COL26A1: variants seen among roughly 807,000 people sequenced by gnomAD.
The protein encoded by COL26A1 is collagen alpha-1(XXVI) chain.
A neutral mutation model predicts 59.3 loss-of-function variants in COL26A1; 41 were observed. The ratio of observed to expected loss-of-function variants is 0.69; its 90% CI spans 0.54 to 0.90. The LOEUF (loss-of-function observed/expected upper bound fraction) is 0.90. COL26A1 is among the 40% of genes least tolerant of loss of function. COL26A1 has a pLI of 0.00. For synonymous variants in COL26A1, 266 were observed against 256.0 expected (o/e 1.04, Z -0.37); for missense variants, 612 against 602.3 (o/e 1.02, Z -0.17).
At chr7:101,426,435 C>T (rs914436303) in intron 2 of COL26A1, among the ~76,000 whole-genome samples, 4 of 152,146 alleles carry the variant, frequency 2.6e-5, no homozygotes, top group African/African-American at 9.7e-5. Context: ...GAACTCTCCA[C>T]CCACACCTGT....
At chr7:101,363,681 C>T (rs1010569683) in intron 1 of COL26A1, among the ~76,000 whole-genome samples, 1 of 151,854 alleles carries the variant, frequency 6.6e-6, no homozygotes, top group East Asian at 1.9e-4. Flanking sequence ...TGGTCTCTGG[C>T]CGCGCCCACC....
chr7:101,469,211 GTC>G (rs1793836033), intron 3 of COL26A1, among the ~76,000 whole-genome samples: 1 of 152,118 alleles, frequency 6.6e-6, no homozygotes, highest in African/African-American at 2.4e-5. Flanking sequence ...AATTCTGGGG[GTC>G]TCTCTCTGAA....
chr7:101,408,312 C>T (rs1016388227), intron 1 of COL26A1, among the ~76,000 whole-genome samples: 4 of 152,194 alleles, frequency 2.6e-5, no homozygotes, highest in African/African-American at 7.2e-5. Context: ...CCATGAGGCT[C>T]TGCAGCTGGG....
intron 3 of COL26A1, among the ~76,000 whole-genome samples, chr7:101,501,517 G>A (rs950339208): frequency 7.2e-5 from 11 of 151,886 alleles, no homozygotes; most frequent in Non-Finnish European, 1.5e-4. Context: ...ACCAGACACC[G>A]CCTCCAGGAA....
chr7:101,529,735 G>T (rs1795325643), intron 3 of COL26A1, among the ~76,000 whole-genome samples: 4 of 152,180 alleles, frequency 2.6e-5, no homozygotes, highest in African/African-American at 9.7e-5. Context: ...CTGCGTCCAT[G>T]TTGCTGCAAA....
intron 4 of COL26A1, among the ~76,000 whole-genome samples, chr7:101,534,569 T>C (rs746450966): frequency 7.2e-5 from 11 of 151,880 alleles, no homozygotes; most frequent in Non-Finnish European, 1.5e-4. Flanking sequence ...GACACACATA[T>C]GTAATACCCA....
chr7:101,454,908 A>G (rs920559262), intron 3 of COL26A1, among the ~76,000 whole-genome samples: 4 of 152,224 alleles, frequency 2.6e-5, no homozygotes, highest in African/African-American at 4.8e-5. Flanking sequence ...TATTTCCCGT[A>G]TAAGCAATGG....
At chr7:101,502,357 C>A (rs968857292) in intron 3 of COL26A1, among the ~76,000 whole-genome samples, 9 of 151,142 alleles carry the variant, frequency 6.0e-5, no homozygotes, top group Non-Finnish European at 1.2e-4. Context: ...ACAACAACAA[C>A]AAACAACAAC....
At chr7:101,391,399 G>A (rs966767309) in intron 1 of COL26A1, among the ~76,000 whole-genome samples, 2 of 152,028 alleles carry the variant, frequency 1.3e-5, no homozygotes, top group African/African-American at 4.8e-5. Context: ...TATACTCCTG[G>A]GCCCGTATCC....
intron 3 of COL26A1, among the ~76,000 whole-genome samples, chr7:101,485,149 G>T (rs1794241237): frequency 6.6e-6 from 1 of 152,192 alleles, no homozygotes; most frequent in Non-Finnish European, 1.5e-5. Flanking sequence ...ACCATGCCCG[G>T]CCTCACATCA....
At chr7:101,534,654 TACAC>T (rs3073378) in intron 4 of COL26A1, among the ~76,000 whole-genome samples, 68,552 of 147,520 alleles carry the variant, frequency 0.46, 15,919 homozygotes, top group Middle Eastern at 0.57. Flanking sequence ...CACATACATA[TACAC>T]ACACACACAC....
At chr7:101,420,958 A>C (rs1584392882) in intron 2 of COL26A1, among the ~76,000 whole-genome samples, 6 of 149,162 alleles carry the variant, frequency 4.0e-5, no homozygotes, top group Non-Finnish European at 5.9e-5. Flanking sequence ...TCCCCAAACC[A>C]CTCTCCCCAC....
Position 101,512,378 on chromosome 7 carries a change from G to A in COL26A1, c.386-20704G>A, listed in dbSNP as rs184334783. 1.1e-3 allele frequency among the ~76,000 whole-genome samples: 165 copies of A among 152,256 alleles called. 1 individual carries two copies. The highest frequency in any genetic ancestry group is 6.8e-3 in the Middle Eastern group (2 of 294). Reference sequence around the variant, plus strand: ...TCACGCCTGTAATCCCAGCACTTTGGGAGGCCAAGGTGGGAGGATCACTTG... The same window carrying A: ...TCACGCCTGTAATCCCAGCACTTTGAGAGGCCAAGGTGGGAGGATCACTTG... On this transcript the variant is annotated intron_variant, in intron 3 of 12. Transcript: ENST00000313669.
intron 1 of COL26A1, among the ~76,000 whole-genome samples, chr7:101,410,805 C>G (rs1028890009): frequency 6.6e-6 from 1 of 152,150 alleles, no homozygotes; most frequent in Non-Finnish European, 1.5e-5. Flanking sequence ...TCAAGTGATT[C>G]TTCTACCTCA....
Position 101,489,838 on chromosome 7 carries a change from CTTTCTTTCTTTCTT to C in COL26A1, c.385+42053_385+42066del, listed in dbSNP as rs1794400537. On this transcript the variant is annotated intron_variant, in intron 3 of 12. Coordinates refer to ENST00000313669, the MANE Select transcript of COL26A1 (RefSeq NM_001278563.3). Reference sequence around the variant, plus strand: ...TCTTTCTTTCTTTCTTTCTTTCTTTCTTTCTTTCTTTCTTTCTTTCTTTCTTTCTTTCTTTCTTT... The same window carrying C: ...TCTTTCTTTCTTTCTTTCTTTCTTTCTCTTTCTTTCTTTCTTTCTTTCTTT... 1.6e-3 allele frequency among the ~76,000 whole-genome samples: 29 copies of C among 18,032 alleles called. 5 individuals carry two copies. Among genetic ancestry groups the C allele is most frequent in the African/African-American group, 0.011 (27 of 2,476 alleles). 11.8% of individuals were successfully genotyped at this position (18,032 alleles called of 152,430 possible). A position where few individuals can be genotyped will look rare whatever the true frequency, so the allele number is the denominator to read the frequency against.
At chr7:101,387,856 A>G (rs56937471) in intron 1 of COL26A1, among the ~76,000 whole-genome samples, 8,916 of 147,020 alleles carry the variant, frequency 0.061, 633 homozygotes, top group African/African-American at 0.16. Flanking sequence ...TGCAACCTCC[A>G]TCTCCTGGGT....
At chr7:101,526,438 G>T (rs1194381485) in intron 3 of COL26A1, among the ~76,000 whole-genome samples, 1 of 152,196 alleles carries the variant, frequency 6.6e-6, no homozygotes, top group African/African-American at 2.4e-5. Flanking sequence ...CCCTCTGCCT[G>T]CAGACCCCTC....
intron 1 of COL26A1, among the ~76,000 whole-genome samples, chr7:101,383,126 GTTT>G (rs1346715823): frequency 6.7e-6 from 1 of 150,108 alleles, no homozygotes; most frequent in Non-Finnish European, 1.5e-5. Context: ...TTGACTCAGA[GTTT>G]TTTAGACTTA....
intron 7 of COL26A1, 77 bp from the exon 8 acceptor site, chr7:101,547,078 GC>G: frequency 9.6e-7 from 1 of 1,037,490 alleles, no homozygotes. Context: ...CTGGCTCAGG[GC>G]TCAGTGCCCC....
Sources: gnomAD v4.1 joint callset for allele counts (sites outside exome capture counted in the v4.1 genomes callset) on GRCh38, gnomAD v4.1.1 for gene constraint, MANE v1.5 for transcripts, NCBI Gene and HGNC (gene_info 2026-07-23, HGNC 2026-07-21) for gene names.